GCNT1: variants seen among roughly 807,000 people sequenced by gnomAD.
GCNT1 encodes the protein glucosaminyl (N-acetyl) transferase 1.
A neutral mutation model predicts 26.2 loss-of-function variants in GCNT1; 16 were observed. The observed-to-expected ratio is 0.61, with a 90% CI of 0.41 to 0.93. GCNT1 has a LOEUF of 0.93. Ranked by LOEUF, GCNT1 falls within the 40% of genes least tolerant of loss-of-function variation. The pLI is 0.00. For synonymous variants in GCNT1, 183 were observed against 190.8 expected, an observed-to-expected ratio of 0.96 and a Z score of 0.34; for missense variants, 477 against 526.7, an observed-to-expected ratio of 0.91 and a Z score of 0.92.
At chr9:76,472,530 G>A (rs1488451141) in intron 2 of GCNT1, among the ~76,000 whole-genome samples, 1 of 152,190 alleles carries the variant, frequency 6.6e-6, no homozygotes, top group African/African-American at 2.4e-5. Context: ...AGTTACAGAG[G>A]AGGGTGCAAC....
At chr9:76,437,836 A>C (rs967494212), upstream of GCNT1, among the ~76,000 whole-genome samples, 2 of 152,252 alleles carry the variant, frequency 1.3e-5, no homozygotes, top group African/African-American at 4.8e-5. Flanking sequence ...GAGCTTGATT[A>C]GGATTGGACA....
intron 2 of GCNT1, among the ~76,000 whole-genome samples, chr9:76,470,235 C>A (rs986917671): frequency 1.3e-5 from 2 of 152,012 alleles, no homozygotes; most frequent in Non-Finnish European, 2.9e-5. Flanking sequence ...TGCTGGTGAA[C>A]TTTAAAACAG....
chr9:76,416,233 C>T (rs576268448), upstream of GCNT1, among the ~76,000 whole-genome samples: 35 of 152,096 alleles, frequency 2.3e-4, no homozygotes, highest in Non-Finnish European at 4.1e-4. Context: ...TGGCCAGGGA[C>T]GGCTGAACTC....
At chr9:76,493,178 A>T (rs1295347176) in intron 2 of GCNT1, among the ~76,000 whole-genome samples, 1 of 152,140 alleles carries the variant, frequency 6.6e-6, no homozygotes, top group Non-Finnish European at 1.5e-5. Context: ...TCTAGAACAC[A>T]GGTCAGCAGA....
At chr9:76,407,754 A>C in the GCNT1 span, among the ~76,000 whole-genome samples, 1 of 152,322 alleles carries the variant, frequency 6.6e-6, no homozygotes, top group Non-Finnish European at 1.5e-5. Context: ...TGAACATGGA[A>C]TACTTCTTCA....
At chr9:76,489,349 G>A (rs1054947783) in intron 2 of GCNT1, among the ~76,000 whole-genome samples, 8 of 152,152 alleles carry the variant, frequency 5.3e-5, no homozygotes, top group Non-Finnish European at 7.3e-5. Context: ...AAATGAAGCC[G>A]CAGACCTTTG....
chr9:76,494,052 C>A (rs1181287132), intron 2 of GCNT1, among the ~76,000 whole-genome samples: 3 of 151,984 alleles, frequency 2.0e-5, no homozygotes, highest in African/African-American at 7.2e-5. Context: ...AAAAACCACC[C>A]GCGGTTTTGG....
the GCNT1 span, among the ~76,000 whole-genome samples, chr9:76,413,653 GTTT>G: frequency 8.4e-6 from 1 of 118,684 alleles, no homozygotes; most frequent in African/African-American, 3.0e-5. Flanking sequence ...GTTTTGTTTT[GTTT>G]TTTTTTTTTT....
chr9:76,494,293 T>G (rs539447411), intron 2 of GCNT1, among the ~76,000 whole-genome samples: 6 of 152,182 alleles, frequency 3.9e-5, no homozygotes, highest in Admixed American at 1.3e-4. Flanking sequence ...TTAGTGACCC[T>G]TACCAACACA....
At chr9:76,439,217 C>CT (rs1823448158), upstream of GCNT1, among the ~76,000 whole-genome samples, 2 of 137,908 alleles carry the variant, frequency 1.5e-5, no homozygotes, top group Non-Finnish European at 1.6e-5. Flanking sequence ...GTTTTCTTTT[C>CT]TTTTTCTTTT....
chr9:76,471,624 G>T (rs1824134218), intron 2 of GCNT1, among the ~76,000 whole-genome samples: 1 of 152,000 alleles, frequency 6.6e-6, no homozygotes, highest in Non-Finnish European at 1.5e-5. Context: ...AAAAATACAG[G>T]ATTTAAAAAA....
rs398046579 is a variant in GCNT1, at chr9:76,435,951, CTTTTTTTTTTTTTT to C, written n.38+16073_38+16086del. Among the ~76,000 whole-genome samples the C allele has an allele frequency of 5.9e-4, 66 of 112,020 alleles. 1 individual carries two copies. Among genetic ancestry groups the C allele is most frequent in the African/African-American group, 2.1e-3 (63 of 29,788 alleles). The allele number at this position is 112,020 out of a possible 152,430, so 73.5% of individuals were successfully genotyped here. On this transcript the variant is annotated intron_variant and non_coding_transcript_variant, in intron 1 of 3. Transcript: ENST00000488136. The stretch of plus-strand genomic sequence containing the variant: ...GAGTGCTAAGCAGTAGTTCCCATAT[CTTTTTTTTTTTTTT>C]TTTTTTTTGAGACAGAATCTCGCTC...
In GCNT1 at chr9:76,477,603, CGTA is replaced by C. The variant is rs1283381102; in HGVS notation, c.-290+17430_-290+17432del. On this transcript the variant is annotated intron_variant, in intron 2 of 3. Transcript: ENST00000376730. ...GCTCTGAAGGTGCATCTAGTCACGT[CGTA>C]GTAAGACAGCTGCATCTTTTAAAAT... is the stretch of plus-strand genomic sequence containing the variant. 2.0e-5 allele frequency among the ~76,000 whole-genome samples: 3 copies of C among 152,104 alleles called. No individual in the cohort carries two copies. The East Asian group carries it at 5.8e-4, about 29-fold the overall frequency.
Position 76,464,615 on chromosome 9 carries a change from A to G in GCNT1, c.-290+4438A>G, listed in dbSNP as rs143713497. 2.4e-4 allele frequency among the ~76,000 whole-genome samples: 37 copies of G among 152,048 alleles called. No homozygotes were observed. The East Asian group carries it at 4.9e-3, about 20-fold the overall frequency. On this transcript the variant is annotated intron_variant, in intron 2 of 3. Coordinates refer to ENST00000376730, the MANE Select transcript of GCNT1 (RefSeq NM_001490.5). ...GCAGTGGCTATTCACAGGTGAGATC[A>G]TAGCACACTTCAGTTGAACTCCTAG... is the stretch of plus-strand genomic sequence containing the variant.
At chr9:76,490,091 C>T (rs969912688) in intron 2 of GCNT1, among the ~76,000 whole-genome samples, 4 of 152,226 alleles carry the variant, frequency 2.6e-5, no homozygotes, top group African/African-American at 7.2e-5. Flanking sequence ...TGTCCACCAA[C>T]TCCAGAGGTT....
At chr9:76,437,391 C>A (rs1173362377), upstream of GCNT1, among the ~76,000 whole-genome samples, 1 of 152,248 alleles carries the variant, frequency 6.6e-6, no homozygotes, top group East Asian at 1.9e-4. Flanking sequence ...TGAGAGCGAC[C>A]TCTGATTATC....
intron 2 of GCNT1, among the ~76,000 whole-genome samples, chr9:76,466,568 G>A (rs926352915): frequency 6.6e-6 from 1 of 152,172 alleles, no homozygotes; most frequent in South Asian, 2.1e-4. Flanking sequence ...TTCCCAAAGT[G>A]TGGGATTATA....
intron 2 of GCNT1, among the ~76,000 whole-genome samples, chr9:76,470,090 A>T (rs560617464): frequency 6.6e-6 from 1 of 152,316 alleles, no homozygotes; most frequent in South Asian, 2.1e-4. Flanking sequence ...AAAAGCTTTG[A>T]GTCCAAGTCC....
chr9:76,413,653 G>GTTTTTGTTTTTTTGT, the GCNT1 span, among the ~76,000 whole-genome samples: 5 of 118,662 alleles, frequency 4.2e-5, no homozygotes, highest in African/African-American at 1.5e-4. Context: ...GTTTTGTTTT[G>GTTTTTGTTTTTTTGT]TTTTTTTTTT....
Sources: gnomAD v4.1 joint callset for allele counts (sites outside exome capture counted in the v4.1 genomes callset) on GRCh38, gnomAD v4.1.1 for gene constraint, MANE v1.5 for transcripts, NCBI Gene and HGNC (gene_info 2026-07-23, HGNC 2026-07-21) for gene names.